ERCC6L2: variants seen among roughly 807,000 people sequenced by gnomAD.
The protein encoded by ERCC6L2 is ERCC excision repair 6 like 2.
A neutral mutation model predicts 132.0 loss-of-function variants in ERCC6L2; 77 were observed. That is an observed-to-expected ratio of 0.58 (90% CI 0.49 to 0.71). The LOEUF is 0.71. ERCC6L2 is among the 30% of genes least tolerant of loss of function. ERCC6L2 has a pLI of 0.00. For missense variants in ERCC6L2, 1,542 were observed against 1,837.6 expected, an observed-to-expected ratio of 0.84 and a Z score of 2.94; for synonymous variants, 583 against 632.4, an observed-to-expected ratio of 0.92 and a Z score of 1.17.
intron 13 of ERCC6L2, among the ~76,000 whole-genome samples, chr9:95,957,999 G>A (rs1170714146): frequency 1.3e-5 from 2 of 150,520 alleles, no homozygotes; most frequent in Admixed American, 6.6e-5. Context: ...TTAACATTAG[G>A]TATATCTCCT....
chr9:95,934,710 C>T (rs934910973), intron 11 of ERCC6L2, among the ~76,000 whole-genome samples: 9 of 152,116 alleles, frequency 5.9e-5, no homozygotes, highest in African/African-American at 2.2e-4. Flanking sequence ...TTTATTCATA[C>T]TTACTAACTT....
intron 10 of ERCC6L2, 73 bp downstream of exon 10, chr9:95,928,223 T>G: frequency 1.0e-6 from 1 of 964,754 alleles, no homozygotes; most frequent in Non-Finnish European, 1.6e-6. Context: ...AGCATATGCC[T>G]ACATGACACC....
rs1834061380 is a variant in ERCC6L2 at position 96,012,443 on chromosome 9, A to G, written c.3893A>G (p.Asp1298Gly). Residue 1298 changes from aspartate to glycine, a missense_variant, in exon 19 of 19, where the codon GAT (aspartate) becomes GGT (glycine). Coordinates refer to ENST00000653738, the MANE Select transcript of ERCC6L2 (RefSeq NM_020207.7). ...GAGCAGCGCACCCGGAAGAAATCTGATAAAAGAGAATCTCTTATAAAACCA... is the reference window on the plus strand; with the variant it reads ...GAGCAGCGCACCCGGAAGAAATCTGGTAAAAGAGAATCTCTTATAAAACCA... The part of the protein sequence containing the change: ...KGEQRTRKKS[D>G]KRESLIKPRL... The G allele has an allele frequency of 7.3e-7, 1 of 1,366,284 alleles. No individual in the cohort carries two copies. The highest frequency in any genetic ancestry group is 2.1e-4 in the Middle Eastern group (1 of 4,764). The allele number at this position is 1,366,284 out of a possible 1,614,324, so 84.6% of individuals were successfully genotyped here.
chr9:96,037,147 C>T (rs535730897), intron 19 of ERCC6L2, among the ~76,000 whole-genome samples: 4 of 152,310 alleles, frequency 2.6e-5, no homozygotes, highest in Admixed American at 2.6e-4. Flanking sequence ...CTTACTCTCA[C>T]CTTCTACACT....
chr9:95,918,356 A>T lies in ERCC6L2; in HGVS notation c.1158+1922A>T, dbSNP rs1331329747. ...CAAATGACACGATGTTTCTAACAGG[A>T]GGTAATCTGGGTGCACAGATTTTAT... On this transcript the variant is annotated intron_variant, in intron 6 of 18. Transcript: ENST00000653738. 3 of 363,888 alleles carry T rather than the reference A, an allele frequency of 8.2e-6. No homozygotes were observed. The Admixed American group carries it at 9.8e-5, about 12-fold the overall frequency. The allele number at this position is 363,888 out of a possible 1,614,324, so 22.5% of individuals were successfully genotyped here.
chr9:95,954,223 A>G (rs770642132), intron 12 of ERCC6L2, among the ~76,000 whole-genome samples: 2 of 152,208 alleles, frequency 1.3e-5, no homozygotes, highest in Non-Finnish European at 2.9e-5. Context: ...CTCCACAGAC[A>G]GCTGTCAAGG....
chr9:95,966,819 G>T (rs916978399), intron 14 of ERCC6L2, 105 bp downstream of exon 14: 1 of 972,558 alleles, frequency 1.0e-6, no homozygotes, highest in Non-Finnish European at 1.4e-6. Context: ...GAAACTTTTG[G>T]TTTTCTTTAT....
chr9:95,933,372 G>T (rs1830423815), intron 11 of ERCC6L2, among the ~76,000 whole-genome samples: 1 of 151,948 alleles, frequency 6.6e-6, no homozygotes, highest in Admixed American at 6.6e-5. Flanking sequence ...ACATCTTCAT[G>T]GTATGTCTAA....
chr9:95,921,772 C>A (rs1829879229), intron 7 of ERCC6L2, among the ~76,000 whole-genome samples: 1 of 152,024 alleles, frequency 6.6e-6, no homozygotes, highest in African/African-American at 2.4e-5. Context: ...CTTTTTCTAA[C>A]CTTTTGTTTA....
chr9:95,899,428 G>GT (rs1310831373), intron 3 of ERCC6L2, among the ~76,000 whole-genome samples: 2 of 151,834 alleles, frequency 1.3e-5, no homozygotes, highest in East Asian at 3.9e-4. Flanking sequence ...CTCCAGCCAG[G>GT]GCAATAAAGT....
intron 17 of ERCC6L2, among the ~76,000 whole-genome samples, chr9:95,986,427 A>G (rs532683782): frequency 6.6e-6 from 1 of 151,990 alleles, no homozygotes; most frequent in South Asian, 2.1e-4. Flanking sequence ...ACTGCAACTC[A>G]AGAACTCATT....
At chr9:96,036,929 G>A (rs903056450) in intron 19 of ERCC6L2, among the ~76,000 whole-genome samples, 1 of 150,554 alleles carries the variant, frequency 6.6e-6, no homozygotes, top group Admixed American at 6.6e-5. Flanking sequence ...ACTACGCCCG[G>A]CTAATTTTTT....
At chr9:95,991,720 G>T (rs1415192385) in intron 17 of ERCC6L2, among the ~76,000 whole-genome samples, 1 of 152,162 alleles carries the variant, frequency 6.6e-6, no homozygotes, top group Non-Finnish European at 1.5e-5. Context: ...TGACAAAAGT[G>T]ATATTTGTAA....
At chr9:95,935,435 A>G (rs757623417) in intron 11 of ERCC6L2, among the ~76,000 whole-genome samples, 1 of 152,174 alleles carries the variant, frequency 6.6e-6, no homozygotes, top group Non-Finnish European at 1.5e-5. Flanking sequence ...GAGTGTAAGT[A>G]TCCACTCTGT....
At chr9:95,876,196 T>TGTCACTGAAGAG in intron 1 of ERCC6L2, 112 bp downstream of exon 1, 4 of 974,680 alleles carry the variant, frequency 4.1e-6, no homozygotes, top group African/African-American at 1.6e-5. Context: ...TCCTCTTCAG[T>TGTCACTGAAGAG]GACAGCTGCA....
chr9:96,009,354 T>G (rs540518320), intron 18 of ERCC6L2, among the ~76,000 whole-genome samples: 65 of 152,328 alleles, frequency 4.3e-4, no homozygotes, highest in Non-Finnish European at 8.1e-4. Flanking sequence ...TCTTTTCCAT[T>G]AACTGTCCTA....
intron 18 of ERCC6L2, 195 bp downstream of exon 18, chr9:96,004,896 A>G (rs1201329511): frequency 1.2e-5 from 4 of 344,872 alleles, no homozygotes; most frequent in Admixed American, 8.3e-5. Flanking sequence ...ATTACCATAA[A>G]AAGGGAAATC....
rs1348059120 is a variant in ERCC6L2, at chr9:95,881,027, C to G, written c.205C>G (p.Leu69Val). The change falls in exon 2 of 19, where the codon CTT (leucine) becomes GTT (valine). Residue 69 changes from leucine (L) to valine (V), a missense_variant. Leu to Val is a conservative substitution (Grantham distance 32). Transcript: ENST00000653738. ...FQERKIPLKQ[L>V]QEVKFVKDCP... is the part of the protein sequence containing the mutation. ...AGAAAGGAAAATACCTCTTAAACAG[C>G]TTCAAGAAGTGAAATTTGTTAAAGA... The G allele has an allele frequency of 1.2e-6, 2 of 1,613,924 alleles. No homozygotes were observed. The highest frequency in any genetic ancestry group is 1.7e-6 in the Non-Finnish European group (2 of 1,179,866).
At chr9:96,030,105 C>T (rs748336590) in intron 19 of ERCC6L2, among the ~76,000 whole-genome samples, 1 of 152,194 alleles carries the variant, frequency 6.6e-6, no homozygotes, top group African/African-American at 2.4e-5. Flanking sequence ...AGTCAGCACT[C>T]TGTAGTTAGG....
Sources: allele counts gnomAD v4.1 joint callset (sites outside exome capture counted in the v4.1 genomes callset), GRCh38; gene constraint gnomAD v4.1.1; transcripts MANE v1.5; gene names NCBI Gene and HGNC (gene_info 2026-07-23, HGNC 2026-07-21).